Variants in ZNF423 observed in about 807,000 individuals in gnomAD.
ZNF423 encodes the protein zinc finger protein 423.
In ZNF423, 12 loss-of-function variants were observed where a neutral mutation model predicts 95.8. The observed-to-expected ratio is 0.13, with a 90% CI of 0.08 to 0.20. The LOEUF (loss-of-function observed/expected upper bound fraction) is 0.20, where lower values mean the gene tolerates loss of function less well. Among genes scored for constraint, ZNF423 ranks in the 10% least tolerant of loss-of-function variants. ZNF423 has a pLI of 1.00. For missense variants in ZNF423, 1,316 were observed against 1,737.1 expected, an observed-to-expected ratio of 0.76 and a Z score of 4.31; for synonymous variants, 749 against 711.9, an observed-to-expected ratio of 1.05 and a Z score of -0.83.
intron 5 of ZNF423, among the ~76,000 whole-genome samples, chr16:49,550,717 G>C (rs1305340518): frequency 6.6e-6 from 1 of 152,248 alleles, no homozygotes; most frequent in Non-Finnish European, 1.5e-5. Context: ...GGGAGCAAGG[G>C]ACAGACAAGG....
At chr16:49,722,974 G>C (rs1407730396) in intron 3 of ZNF423, among the ~76,000 whole-genome samples, 1 of 56,354 alleles carries the variant, frequency 1.8e-5, no homozygotes, top group Non-Finnish European at 3.8e-5. Context: ...TTTTTTTTTT[G>C]AGACTGAGTG....
Position 49,855,451 on chromosome 16 carries a change from G to C in ZNF423, c.40+284C>G, listed in dbSNP as rs1305974079. On this transcript the variant is annotated intron_variant, in intron 1 of 7. Transcript: ENST00000563137. This position sits in a 1 kb window ranked among gnomAD's most constrained non-coding sequence, Gnocchi z 4.7. ...GCCCCTTAGCGGCGCCCCCAGGCCT[G>C]GGTCCCCCAAGGGCGACGGCGCCGA... Among the ~76,000 whole-genome samples the C allele has an allele frequency of 1.3e-5, 2 of 151,088 alleles. No individual in the cohort carries two copies. The highest frequency in any genetic ancestry group is 3.0e-5 in the Non-Finnish European group (2 of 67,710).
rs184876727 is a variant in ZNF423 at position 49,791,309 on chromosome 16, T to C, written c.41-1763A>G. Among the ~76,000 whole-genome samples, 20 of 152,262 alleles carry C rather than the reference T, an allele frequency of 1.3e-4. No individual in the cohort carries two copies. The East Asian group carries it at 3.9e-3, about 29-fold the overall frequency. On this transcript the variant is annotated intron_variant, in intron 1 of 7. Transcript: ENST00000563137. ...TATAAATAGCAATCAAGACCTCGTG[T>C]CAGACAAAATTGATATTATTCACTA...
At chr16:49,858,718 C>A (rs2035398200), upstream of ZNF423, among the ~76,000 whole-genome samples, 1 of 4,178 alleles carries the variant, frequency 2.4e-4, no homozygotes, top group African/African-American at 4.8e-4. This position sits in a 1 kb window ranked among gnomAD's most constrained non-coding sequence, Gnocchi z 4.3. Context: ...GGAATAGGAG[C>A]CCCCCCCCCC....
intron 1 of ZNF423, among the ~76,000 whole-genome samples, chr16:49,809,792 T>C (rs982933376): frequency 6.6e-6 from 1 of 152,152 alleles, no homozygotes; most frequent in African/African-American, 2.4e-5. Flanking sequence ...AGCCTGCTCC[T>C]GAGACTGGAA....
chr16:49,587,050 G>A (rs1230705183), intron 5 of ZNF423, among the ~76,000 whole-genome samples: 5 of 152,104 alleles, frequency 3.3e-5, no homozygotes, highest in Non-Finnish European at 4.4e-5. Flanking sequence ...ATTCCACAAC[G>A]GTTTACACAA....
chr16:49,779,207 G>A (rs551031537), intron 2 of ZNF423, among the ~76,000 whole-genome samples: 1 of 152,102 alleles, frequency 6.6e-6, no homozygotes, highest in South Asian at 2.1e-4. Context: ...CTGTCCCCTA[G>A]GAGTGAGCAG....
chr16:49,782,934 G>A (rs2034237044), intron 2 of ZNF423, among the ~76,000 whole-genome samples: 1 of 150,742 alleles, frequency 6.6e-6, no homozygotes, highest in African/African-American at 2.4e-5. Flanking sequence ...GACCAACCTG[G>A]GCAACATAGC....
At chr16:49,827,414 G>T (rs1379070043) in intron 1 of ZNF423, among the ~76,000 whole-genome samples, 1 of 152,184 alleles carries the variant, frequency 6.6e-6, no homozygotes, top group Admixed American at 6.5e-5. Context: ...GAGGGCAGGG[G>T]TTTGGATGTT....
intron 5 of ZNF423, among the ~76,000 whole-genome samples, chr16:49,562,747 C>A (rs1353926431): frequency 1.3e-5 from 2 of 152,076 alleles, no homozygotes; most frequent in African/African-American, 4.8e-5. Context: ...AAATAGCCAA[C>A]GTTCATTGGG....
intron 1 of ZNF423, among the ~76,000 whole-genome samples, chr16:49,799,892 G>A (rs2034555579): frequency 6.6e-6 from 1 of 151,866 alleles, no homozygotes; most frequent in African/African-American, 2.4e-5. Flanking sequence ...TGGGCTCAAG[G>A]GATCCTCCTG....
intron 6 of ZNF423, among the ~76,000 whole-genome samples, chr16:49,524,577 C>T (rs770120276): frequency 1.3e-5 from 2 of 152,194 alleles, no homozygotes; most frequent in Non-Finnish European, 2.9e-5. Flanking sequence ...TGGAGAAGGT[C>T]TAGCCCTGGC....
intron 5 of ZNF423, among the ~76,000 whole-genome samples, chr16:49,606,616 A>G (rs1971545920): frequency 6.6e-6 from 1 of 152,258 alleles, no homozygotes; most frequent in East Asian, 1.9e-4. Context: ...CAGGGCAGAA[A>G]CTATTTGCTA....
intron 3 of ZNF423, among the ~76,000 whole-genome samples, chr16:49,666,017 A>T (rs2030524979): frequency 6.6e-6 from 1 of 152,162 alleles, no homozygotes; most frequent in African/African-American, 2.4e-5. Context: ...TTCACAGCAG[A>T]ACTGCGCAGG....
At chr16:49,720,767 T>G (rs1272440340) in intron 3 of ZNF423, among the ~76,000 whole-genome samples, 4 of 152,160 alleles carry the variant, frequency 2.6e-5, no homozygotes, top group Non-Finnish European at 4.4e-5. Context: ...AATTCCTACC[T>G]CCTAAAGAAG....
chr16:49,736,713 T>A (rs915097841), intron 2 of ZNF423, among the ~76,000 whole-genome samples: 1 of 152,170 alleles, frequency 6.6e-6, no homozygotes, highest in Non-Finnish European at 1.5e-5. Flanking sequence ...GAGGATCGTT[T>A]CAGCCCAGGA....
At chr16:49,755,485 C>A (rs987050211) in intron 2 of ZNF423, among the ~76,000 whole-genome samples, 1 of 152,148 alleles carries the variant, frequency 6.6e-6, no homozygotes, top group Non-Finnish European at 1.5e-5. Flanking sequence ...ATAATTCTTA[C>A]CAGACATGGC....
chr16:49,834,506 G>T (rs1012526154), intron 1 of ZNF423, among the ~76,000 whole-genome samples: 1 of 152,202 alleles, frequency 6.6e-6, no homozygotes, highest in African/African-American at 2.4e-5. Flanking sequence ...GGGAAGAATG[G>T]GTGGAGGCCA....
intron 3 of ZNF423, among the ~76,000 whole-genome samples, chr16:49,725,088 C>T (rs2032973943): frequency 1.3e-5 from 2 of 152,186 alleles, no homozygotes; most frequent in African/African-American, 4.8e-5. Context: ...CTCTGAGCCT[C>T]AGTCACCCAA....
Sources: allele counts gnomAD v4.1 joint callset (sites outside exome capture counted in the v4.1 genomes callset), GRCh38; gene constraint gnomAD v4.1.1; non-coding constraint Gnocchi (gnomAD v3.1); transcripts MANE v1.5; gene names NCBI Gene and HGNC (gene_info 2026-07-23, HGNC 2026-07-21).